NOL4L: variants seen among roughly 807,000 people sequenced by gnomAD.
The protein encoded by NOL4L is nucleolar protein 4 like.
In NOL4L, 7 loss-of-function variants were observed where a neutral mutation model predicts 64.5. The observed-to-expected ratio is 0.11, with a 90% CI of 0.06 to 0.20. The LOEUF is 0.20. Ranked by LOEUF, NOL4L falls within the 10% of genes least tolerant of loss-of-function variation. NOL4L has a pLI of 1.00. For synonymous variants in NOL4L, 413 were observed against 401.0 expected (o/e 1.03, Z -0.36); for missense variants, 680 against 967.1 (o/e 0.70, Z 3.94).
chr20:32,483,904 C>T (rs2015921701), intron 4 of NOL4L, among the ~76,000 whole-genome samples: 1 of 145,510 alleles, frequency 6.9e-6, no homozygotes, highest in Admixed American at 6.8e-5. Flanking sequence ...CGCCGCCGTG[C>T]GCTTCGGTGG....
rs1027030378 is a variant in NOL4L at position 32,585,331 on chromosome 20, C to G, written c.-441G>C. 9.4e-5 allele frequency among the ~76,000 whole-genome samples: 14 copies of G among 149,202 alleles called. No homozygotes were observed. The highest frequency in any genetic ancestry group is 2.1e-4 in the Non-Finnish European group (14 of 66,820). On this transcript the variant is annotated 5_prime_UTR_variant, in exon 1 of 11. Transcript: ENST00000621426. ...GTCAGCTTGCGCGGCTCATCCTGCT[C>G]TTGCTCAGGCTCCCGCTGCCGCGGC...
In NOL4L at chr20:32,447,429, A is replaced by AAAG. The variant is rs374212206; in HGVS notation, c.*166_*167insCTT. On this transcript the variant is annotated 3_prime_UTR_variant, in exon 11 of 11. Transcript: ENST00000621426. ...AAAAAAAAAAAAAAAAAAAAAAAAA[A>AAAG]GTGTCCTTGTGCCCAAAGTCTCAGG... 7 of 758,008 alleles carry AAAG rather than the reference A, an allele frequency of 9.2e-6. No homozygotes were observed. The highest frequency in any genetic ancestry group is 3.6e-5 in the African/African-American group (2 of 55,932). 47.0% of individuals were successfully genotyped at this position (758,008 alleles called of 1,614,324 possible).
intron 4 of NOL4L, among the ~76,000 whole-genome samples, chr20:32,483,875 G>A (rs1490986129): frequency 4.3e-4 from 57 of 133,558 alleles, no homozygotes; most frequent in African/African-American, 1.6e-3. Flanking sequence ...GGTAGGGGGG[G>A]ATAAGGGCGC....
chr20:32,449,905 C>G (rs906254845), intron 10 of NOL4L: 8 of 152,540 alleles, frequency 5.2e-5, no homozygotes, highest in African/African-American at 1.4e-4. Context: ...CCTTTCTTTT[C>G]TCCTCTCCCC....
intron 1 of NOL4L, among the ~76,000 whole-genome samples, chr20:32,560,789 G>A (rs1053967385): frequency 1.3e-5 from 2 of 152,248 alleles, no homozygotes; most frequent in Admixed American, 6.5e-5. Flanking sequence ...GATGGGGGAC[G>A]GACAGACTGA....
intron 1 of NOL4L, among the ~76,000 whole-genome samples, chr20:32,571,842 G>A (rs554214597): frequency 6.6e-6 from 1 of 152,374 alleles, no homozygotes; most frequent in South Asian, 2.1e-4. Context: ...TCTCACAGGA[G>A]CCGGCAGGAG....
Position 32,535,593 on chromosome 20 carries a change from C to T in NOL4L, c.322-7680G>A, listed in dbSNP as rs558256877. 29 of 985,588 alleles carry T rather than the reference C, an allele frequency of 2.9e-5. No individual in the cohort carries two copies. The South Asian group carries it at 1.0e-3, about 35-fold the overall frequency. The allele number at this position is 985,588 out of a possible 1,614,324, so 61.1% of individuals were successfully genotyped here. ...TGAACCTCCATCTTCTTTCAAATCA[C>T]GCTGGGGACCAAAACGCACACCCCA... On this transcript the variant is annotated intron_variant, in intron 1 of 10. Coordinates refer to ENST00000621426, the MANE Select transcript of NOL4L (RefSeq NM_001256798.2).
At chr20:32,574,076 T>G (rs1164378152) in intron 1 of NOL4L, among the ~76,000 whole-genome samples, 1 of 152,162 alleles carries the variant, frequency 6.6e-6, no homozygotes, top group African/African-American at 2.4e-5. Flanking sequence ...TATCACCCCC[T>G]TATACAGAAG....
chr20:32,534,393 G>A (rs947275352), intron 1 of NOL4L, among the ~76,000 whole-genome samples: 1 of 152,222 alleles, frequency 6.6e-6, no homozygotes, highest in Non-Finnish European at 1.5e-5. Context: ...CAGGACTTCA[G>A]GGGGCTGATT....
intron 5 of NOL4L, chr20:32,465,038 G>C (rs183648694): frequency 3.1e-6 from 2 of 636,470 alleles, no homozygotes. Context: ...CAGAGACCCT[G>C]GGGTTCCTGG....
intron 3 of NOL4L, among the ~76,000 whole-genome samples, chr20:32,515,943 G>A (rs559175445): frequency 2.0e-5 from 3 of 152,206 alleles, no homozygotes; most frequent in Non-Finnish European, 4.4e-5. Context: ...ATGCAGTCTC[G>A]AGAATAATCA....
intron 5 of NOL4L, among the ~76,000 whole-genome samples, chr20:32,458,798 A>G (rs921904890): frequency 5.3e-5 from 8 of 152,238 alleles, no homozygotes; most frequent in African/African-American, 1.9e-4. Flanking sequence ...GGCTGGCTGC[A>G]GTGCCACACC....
At chr20:32,485,474 T>C (rs2016050653) in intron 4 of NOL4L, 2 of 258,080 alleles carry the variant, frequency 7.7e-6, no homozygotes, top group African/African-American at 4.5e-5. Context: ...CTTCCGCACA[T>C]GCTCAAGACT....
intron 4 of NOL4L, among the ~76,000 whole-genome samples, chr20:32,507,232 T>C (rs768879497): frequency 2.0e-5 from 3 of 152,072 alleles, no homozygotes; most frequent in East Asian, 1.9e-4. Context: ...TATTCCCAAA[T>C]AAAAAAACTC....
chr20:32,482,808 A>G (rs1215166955), intron 4 of NOL4L, among the ~76,000 whole-genome samples: 1 of 146,368 alleles, frequency 6.8e-6, no homozygotes, highest in Non-Finnish European at 1.5e-5. Flanking sequence ...CTGACACTCA[A>G]CGCTTCCCGT....
At chr20:32,452,606 G>A (rs547762682) in intron 9 of NOL4L, among the ~76,000 whole-genome samples, 169 bp from the exon 10 acceptor site, 28 of 152,184 alleles carry the variant, frequency 1.8e-4, no homozygotes, top group Middle Eastern at 3.4e-3. Context: ...CCTTCCCCCC[G>A]GGGGCTTTCC....
intron 1 of NOL4L, among the ~76,000 whole-genome samples, chr20:32,578,239 T>C (rs912448132): frequency 6.6e-6 from 1 of 151,876 alleles, no homozygotes; most frequent in South Asian, 2.1e-4. Flanking sequence ...CCCAGGGTCC[T>C]GTAGCATTAA....
chr20:32,535,530 CAGGCCTCACATATTCCA>C, intron 1 of NOL4L: 1 of 953,502 alleles, frequency 1.0e-6, no homozygotes, highest in Admixed American at 6.2e-5. Flanking sequence ...CCATCTGGAA[CAGGCCTCACATATTCCA>C]AGACCTCCTT....
At chr20:32,543,839 A>C (rs2018695470) in intron 1 of NOL4L, among the ~76,000 whole-genome samples, 1 of 152,054 alleles carries the variant, frequency 6.6e-6, no homozygotes, top group Admixed American at 6.5e-5. Context: ...TGTGGTTACA[A>C]AGTCAACAGG....
Sources: gnomAD v4.1 joint callset for allele counts (sites outside exome capture counted in the v4.1 genomes callset) on GRCh38, gnomAD v4.1.1 for gene constraint, MANE v1.5 for transcripts, NCBI Gene and HGNC (gene_info 2026-07-23, HGNC 2026-07-21) for gene names.